The following KCNH8 variants were observed in gnomAD, a reference collection of about 807,000 sequenced individuals.
KCNH8 encodes the protein potassium voltage-gated channel subfamily H member 8.
KCNH8 carries 70 observed loss-of-function variants against 103.6 expected under a neutral mutation model. The ratio of observed to expected loss-of-function variants is 0.68; its 90% CI spans 0.56 to 0.82. The LOEUF (loss-of-function observed/expected upper bound fraction) is 0.82, where lower values mean the gene tolerates loss of function less well. Ranked by LOEUF, KCNH8 falls within the 40% of genes least tolerant of loss-of-function variation. KCNH8 has a pLI of 0.00. For missense variants in KCNH8, 1,217 were observed against 1,329.9 expected (o/e 0.92, Z 1.32); for synonymous variants, 498 against 489.4 (o/e 1.02, Z -0.23).
chr3:19,426,178 T>C (rs1208869258), intron 7 of KCNH8, among the ~76,000 whole-genome samples: 1 of 152,136 alleles, frequency 6.6e-6, no homozygotes, highest in African/African-American at 2.4e-5. Context: ...CCTGCTGGGC[T>C]ATGCTCCTGC....
chr3:19,503,241 C>A (rs1049932044), intron 11 of KCNH8, among the ~76,000 whole-genome samples: 8 of 151,656 alleles, frequency 5.3e-5, no homozygotes, highest in Non-Finnish European at 1.2e-4. Flanking sequence ...CCATTTCACA[C>A]CAGTTAGAAT....
At chr3:19,286,970 T>A (rs2064840674) in intron 3 of KCNH8, among the ~76,000 whole-genome samples, 1 of 152,152 alleles carries the variant, frequency 6.6e-6, no homozygotes, top group South Asian at 2.1e-4. Context: ...GGAACATTAA[T>A]GAATTCAGTA....
chr3:19,451,588 C>CA (rs944066025), intron 10 of KCNH8, among the ~76,000 whole-genome samples, 184 bp downstream of exon 10: 15 of 151,920 alleles, frequency 9.9e-5, no homozygotes, highest in African/African-American at 2.9e-4. Context: ...TTAATTCTTG[C>CA]AAAAAAATCC....
intron 5 of KCNH8, among the ~76,000 whole-genome samples, chr3:19,380,745 A>C (rs1270220738): frequency 6.6e-6 from 1 of 152,374 alleles, no homozygotes; most frequent in East Asian, 1.9e-4. Context: ...CAAGTTTGGC[A>C]TTATTGCTTG....
intron 3 of KCNH8, among the ~76,000 whole-genome samples, chr3:19,340,357 A>T (rs9844940): frequency 3.5e-5 from 5 of 143,924 alleles, no homozygotes; most frequent in East Asian, 2.0e-4. Flanking sequence ...TTTTTTTTTA[A>T]TTTTTTTTTT....
intron 3 of KCNH8, among the ~76,000 whole-genome samples, chr3:19,311,146 A>G (rs1271052186): frequency 6.6e-6 from 1 of 151,786 alleles, no homozygotes; most frequent in Non-Finnish European, 1.5e-5. Flanking sequence ...CTGATTTTTT[A>G]CAGTCCTTAT....
intron 1 of KCNH8, among the ~76,000 whole-genome samples, chr3:19,192,509 C>G (rs1215692780): frequency 6.6e-6 from 1 of 151,644 alleles, no homozygotes; most frequent in African/African-American, 2.4e-5. Flanking sequence ...TGATATTAGT[C>G]TATTTCCATC....
At chr3:19,387,662 A>AAATCTTAG (rs1464910921) in intron 5 of KCNH8, among the ~76,000 whole-genome samples, 2 of 152,248 alleles carry the variant, frequency 1.3e-5, no homozygotes, top group Non-Finnish European at 2.9e-5. Context: ...ATAGACCTAG[A>AAATCTTAG]AATCTTAGAA....
At chr3:19,358,314 TTTTCTTTCTCTTTTTTCTTTCA>T (rs1436232384) in intron 5 of KCNH8, among the ~76,000 whole-genome samples, 1 of 151,620 alleles carries the variant, frequency 6.6e-6, no homozygotes, top group East Asian at 1.9e-4. Flanking sequence ...CCTTCCTTTC[TTTTCTTTCTCTTTTTTCTTTCA>T]TTTCTTTCTC....
chr3:19,370,672 A>C (rs1003951979), intron 5 of KCNH8, among the ~76,000 whole-genome samples: 1 of 152,106 alleles, frequency 6.6e-6, no homozygotes, highest in East Asian at 1.9e-4. Context: ...GGTTATTTAC[A>C]TATGTATACA....
intron 11 of KCNH8, among the ~76,000 whole-genome samples, chr3:19,462,471 C>T (rs963903407): frequency 6.6e-6 from 1 of 152,132 alleles, no homozygotes; most frequent in Non-Finnish European, 1.5e-5. Flanking sequence ...ATTCTTCACC[C>T]ACTTTTTGAT....
At chr3:19,247,530 C>T (rs1391481067) in intron 1 of KCNH8, among the ~76,000 whole-genome samples, 2 of 152,120 alleles carry the variant, frequency 1.3e-5, no homozygotes, top group Non-Finnish European at 2.9e-5. Context: ...AAAACAATGT[C>T]AAAAGTTCCT....
chr3:19,429,162 CTTTTTTTTTTTTTTTT>C (rs575154927), intron 7 of KCNH8, among the ~76,000 whole-genome samples: 4 of 89,876 alleles, frequency 4.5e-5, no homozygotes, highest in African/African-American at 1.9e-4. Context: ...AGAATCCACT[CTTTTTTTTTTTTTTTT>C]TTTTTTTTTT....
chr3:19,494,813 T>G (rs560168468), intron 11 of KCNH8, among the ~76,000 whole-genome samples: 23 of 152,320 alleles, frequency 1.5e-4, no homozygotes, highest in Non-Finnish European at 2.8e-4. Flanking sequence ...ATTTATACTC[T>G]TACCAACAGT....
At chr3:19,497,744 C>T (rs1417202995) in intron 11 of KCNH8, among the ~76,000 whole-genome samples, 1 of 152,064 alleles carries the variant, frequency 6.6e-6, no homozygotes, top group South Asian at 2.1e-4. Flanking sequence ...TTTGTAGATA[C>T]TTGACAGATC....
At chr3:19,292,554 C>T (rs2064943058) in intron 3 of KCNH8, among the ~76,000 whole-genome samples, 2 of 152,170 alleles carry the variant, frequency 1.3e-5, no homozygotes, top group African/African-American at 4.8e-5. Flanking sequence ...AACCTGCAAA[C>T]CTAACTAACA....
intron 7 of KCNH8, among the ~76,000 whole-genome samples, chr3:19,423,114 A>G (rs1261172253): frequency 6.6e-6 from 1 of 152,108 alleles, no homozygotes; most frequent in African/African-American, 2.4e-5. Flanking sequence ...CTTGAGTATA[A>G]TCTTTTCTAA....
At chr3:19,185,120 T>G (rs2125205315) in intron 1 of KCNH8, among the ~76,000 whole-genome samples, 2 of 152,074 alleles carry the variant, frequency 1.3e-5, no homozygotes, top group Middle Eastern at 3.4e-3. Context: ...TAGAGAGATG[T>G]ATTTTTATTT....
intron 11 of KCNH8, among the ~76,000 whole-genome samples, chr3:19,490,451 T>A (rs1350683781): frequency 6.6e-6 from 1 of 152,188 alleles, no homozygotes; most frequent in Admixed American, 6.5e-5. Context: ...GGGGGCTGCA[T>A]GCACCTGCAC....
Sources: gnomAD v4.1 joint callset for allele counts (sites outside exome capture counted in the v4.1 genomes callset) on GRCh38, gnomAD v4.1.1 for gene constraint, MANE v1.5 for transcripts, NCBI Gene and HGNC (gene_info 2026-07-23, HGNC 2026-07-21) for gene names.